IL1RAPL1: variants seen among roughly 807,000 people sequenced by gnomAD.
IL1RAPL1 encodes interleukin 1 receptor accessory protein like 1, also known as interleukin-1 receptor accessory protein-like 1.
Under a neutral mutation model 48.4 loss-of-function variants are expected in IL1RAPL1, and 3 were observed. The observed-to-expected ratio is 0.06, with a 90% CI of 0.03 to 0.16. The LOEUF (loss-of-function observed/expected upper bound fraction) is 0.16. IL1RAPL1 is among the 10% of genes least tolerant of loss of function. The pLI, the probability that IL1RAPL1 is intolerant of heterozygous loss-of-function variation, is 1.00. For synonymous variants in IL1RAPL1, 185 were observed against 187.7 expected (o/e 0.99, Z 0.12); for missense variants, 349 against 530.6 (o/e 0.66, Z 3.36).
At chrX:28,702,673 A>T (rs992316829) in intron 1 of IL1RAPL1, among the ~76,000 whole-genome samples, 10 of 111,825 alleles carry the variant, frequency 8.9e-5, no homozygotes, top group Non-Finnish European at 1.9e-4. Flanking sequence ...CTTGATGCTG[A>T]AATATGTTGG....
chrX:29,550,447 A>G (rs919249445), intron 5 of IL1RAPL1, among the ~76,000 whole-genome samples: 5 of 111,791 alleles, frequency 4.5e-5, no homozygotes, highest in South Asian at 3.7e-4. Context: ...CCAAAGTGCT[A>G]GGATTGCAGG....
intron 3 of IL1RAPL1, among the ~76,000 whole-genome samples, chrX:29,333,201 C>T (rs1387835116): frequency 2.0e-4 from 21 of 106,993 alleles, no homozygotes; most frequent in Admixed American, 3.9e-4. Context: ...GGCAGAGGGG[C>T]TCCTCACTTC....
chrX:28,812,126 T>C (rs1936799232), intron 2 of IL1RAPL1, among the ~76,000 whole-genome samples: 1 of 110,914 alleles, frequency 9.0e-6, no homozygotes, highest in South Asian at 3.7e-4. Flanking sequence ...ATTACAGAGA[T>C]CAGCAACAGT....
intron 2 of IL1RAPL1, among the ~76,000 whole-genome samples, chrX:28,976,566 A>C: frequency 8.9e-6 from 1 of 111,763 alleles, no homozygotes; most frequent in East Asian, 2.8e-4. Context: ...TTTAGTCATC[A>C]AAGTGAAGTT....
intron 2 of IL1RAPL1, among the ~76,000 whole-genome samples, chrX:29,032,625 A>G (rs1926644831): frequency 8.9e-6 from 1 of 112,666 alleles, no homozygotes; most frequent in Non-Finnish European, 1.9e-5. Flanking sequence ...ATTCTTGCAC[A>G]TATTGTATTG....
chrX:28,733,365 A>C (rs1935779963), intron 1 of IL1RAPL1, among the ~76,000 whole-genome samples: 1 of 110,177 alleles, frequency 9.1e-6, no homozygotes, highest in Admixed American at 9.8e-5. Context: ...TTTATAGTAA[A>C]ACTCAGAAGA....
chrX:28,848,163 G>A (rs1438705620), intron 2 of IL1RAPL1, among the ~76,000 whole-genome samples: 2 of 110,318 alleles, frequency 1.8e-5, no homozygotes, highest in African/African-American at 3.3e-5. Flanking sequence ...GGGACCTGTC[G>A]GGGATGGGGG....
intron 5 of IL1RAPL1, among the ~76,000 whole-genome samples, chrX:29,474,785 C>G (rs1203672202): frequency 2.7e-5 from 3 of 111,645 alleles, no homozygotes; most frequent in African/African-American, 9.8e-5. Flanking sequence ...ATCCAATCAT[C>G]TTTCAGCAGG....
intron 2 of IL1RAPL1, among the ~76,000 whole-genome samples, chrX:28,914,193 T>C (rs1418522898): frequency 9.0e-6 from 1 of 110,741 alleles, no homozygotes; most frequent in Non-Finnish European, 1.9e-5. Flanking sequence ...GCTGGATCGG[T>C]ACAGAAAGAT....
chrX:29,805,223 T>G (rs192157675), intron 6 of IL1RAPL1, among the ~76,000 whole-genome samples: 1 of 112,022 alleles, frequency 8.9e-6, no homozygotes, highest in Admixed American at 9.5e-5. Flanking sequence ...TTAGCATTAA[T>G]TGCAGCATTA....
At chrX:28,750,913 G>T (rs755264282) in intron 1 of IL1RAPL1, among the ~76,000 whole-genome samples, 9 of 111,891 alleles carry the variant, frequency 8.0e-5, no homozygotes, top group South Asian at 3.7e-4. Context: ...TTCTTAATTT[G>T]TCAGTCTGTA....
chrX:28,971,918 A>C (rs868693584), intron 2 of IL1RAPL1, among the ~76,000 whole-genome samples: 1 of 57,938 alleles, frequency 1.7e-5, no homozygotes, highest in African/African-American at 9.0e-5. Context: ...GTGTGTGTGT[A>C]TTTCTGTAAC....
chrX:28,859,606 G>A (rs1387920252), intron 2 of IL1RAPL1, among the ~76,000 whole-genome samples: 1 of 109,877 alleles, frequency 9.1e-6, no homozygotes, highest in East Asian at 2.8e-4. Context: ...TCCTTACCTA[G>A]TATCTATCTT....
At position 29,700,052 on chromosome X, in the gene IL1RAPL1, G is replaced by A. The variant is rs1239085515; in HGVS notation, c.778+31548G>A. Among the ~76,000 whole-genome samples, 4 of 110,986 alleles carry A rather than the reference G, an allele frequency of 3.6e-5. No individual in the cohort carries two copies. In the Admixed American group the frequency reaches 3.8e-4, roughly 11 times the overall value. On this transcript the variant is annotated intron_variant, in intron 6 of 10. Transcript: ENST00000378993. Reference sequence around the variant, plus strand: ...TCTTGTGTTATTCAGTTGACCCATTGGTGCCTCTGTTTTCTCTTCTTTAAA... The same window carrying A: ...TCTTGTGTTATTCAGTTGACCCATTAGTGCCTCTGTTTTCTCTTCTTTAAA...
chrX:29,731,122 T>C (rs1156359860), intron 6 of IL1RAPL1, among the ~76,000 whole-genome samples: 1 of 112,245 alleles, frequency 8.9e-6, no homozygotes, highest in African/African-American at 3.2e-5. Context: ...CTACCCTCTG[T>C]CTTTATTGAA....
At chrX:29,910,596 C>T (rs1222664055) in intron 6 of IL1RAPL1, among the ~76,000 whole-genome samples, 2 of 111,538 alleles carry the variant, frequency 1.8e-5, no homozygotes, top group East Asian at 2.8e-4. Context: ...TATAATCATA[C>T]ATTTTATAAA....
At chrX:29,862,340 C>T (rs1353954720) in intron 6 of IL1RAPL1, among the ~76,000 whole-genome samples, 1 of 111,400 alleles carries the variant, frequency 9.0e-6, no homozygotes, top group Admixed American at 9.6e-5. Flanking sequence ...AGGTACCTCT[C>T]ACTTATTCTC....
At chrX:28,629,866 G>A (rs752509714) in intron 1 of IL1RAPL1, among the ~76,000 whole-genome samples, 1 of 111,903 alleles carries the variant, frequency 8.9e-6, no homozygotes, top group African/African-American at 3.2e-5. Flanking sequence ...TAAAATTGGC[G>A]AAAAGTGCTT....
intron 2 of IL1RAPL1, among the ~76,000 whole-genome samples, chrX:28,835,821 T>A (rs1363914846): frequency 9.0e-6 from 1 of 111,455 alleles, no homozygotes; most frequent in East Asian, 2.8e-4. Context: ...TTATACTTTC[T>A]GAACCAAGAC....
Sources: gnomAD v4.1 joint callset for allele counts (sites outside exome capture counted in the v4.1 genomes callset) on GRCh38, gnomAD v4.1.1 for gene constraint, MANE v1.5 for transcripts, NCBI Gene and HGNC (gene_info 2026-07-23, HGNC 2026-07-21) for gene names.